The following CNTNAP3 variants were observed in gnomAD, a reference collection of about 807,000 sequenced individuals.
CNTNAP3 encodes the protein contactin associated protein family member 3, also known as contactin-associated protein-like 3.
A neutral mutation model predicts 92.1 loss-of-function variants in CNTNAP3; 36 were observed. That is an observed-to-expected ratio of 0.39 (90% CI 0.30 to 0.52). The LOEUF (loss-of-function observed/expected upper bound fraction) is 0.52, where lower values mean the gene tolerates loss of function less well. Ranked by LOEUF, CNTNAP3 falls within the 20% of genes least tolerant of loss-of-function variation. The pLI is 0.76. For synonymous variants in CNTNAP3, 232 were observed against 422.3 expected (o/e 0.55, Z 5.53); for missense variants, 534 against 1,069.6 (o/e 0.50, Z 6.98).
rs143450172 is a variant in CNTNAP3 at position 39,103,745 on chromosome 9, A to C, written c.2535T>G (p.Arg845=). Residue 845 remains arginine, a splice_region_variant and synonymous_variant, in exon 16 of 24, where the codon CGT becomes CGG. Transcript: ENST00000297668. ...GITDFIRIEL[R]APTEVTFSFD... Reference sequence around the variant, plus strand: ...ACTTGTCCAGAGTGGCGAGCTTACCACGCAGCTCAATCCTGATGAAATCTG... The same window carrying C: ...ACTTGTCCAGAGTGGCGAGCTTACCCCGCAGCTCAATCCTGATGAAATCTG... 2.4e-3 allele frequency: 3,828 copies of C among 1,601,552 alleles called. 49 individuals carry two copies. The highest frequency in any genetic ancestry group is 8.7e-3 in the East Asian group (390 of 44,678).
Position 39,140,602 on chromosome 9 carries a change from C to T in CNTNAP3, c.1793G>A (p.Arg598Gln), listed in dbSNP as rs140152567. The change falls in exon 12 of 24, where the codon CGA becomes CAA. Residue 598 changes from arginine (R) to glutamine (Q), a missense_variant. Physicochemically the swap from Arg to Gln is conservative, Grantham distance 43. Coordinates refer to ENST00000297668, the MANE Select transcript of CNTNAP3 (RefSeq NM_033655.5). Reference sequence around the variant, plus strand: ...ATAGTAAAGCCCAGACGGGTTCCCTCGGTGCTTGTGGGCTTCACAAGACTG... The same window carrying T: ...ATAGTAAAGCCCAGACGGGTTCCCTTGGTGCTTGTGGGCTTCACAAGACTG... ...YEQSCEAHKHRGNPSGLYYID... is the reference protein window; with the variant it reads ...YEQSCEAHKHQGNPSGLYYID... The T allele has an allele frequency of 8.9e-5, 143 of 1,613,320 alleles. 1 individual carries two copies. The highest frequency in any genetic ancestry group is 1.1e-4 in the Non-Finnish European group (127 of 1,179,698).
intron 15 of CNTNAP3, among the ~76,000 whole-genome samples, chr9:39,107,366 A>AAGGGAGGGAGAGAAAG (rs1554715802): frequency 8.2e-5 from 12 of 145,752 alleles, no homozygotes; most frequent in African/African-American, 2.0e-4. Flanking sequence ...GGGAGGGAGG[A>AAGGGAGGGAGAGAAAG]AGGGAGGGAG....
intron 21 of CNTNAP3, among the ~76,000 whole-genome samples, chr9:39,081,024 G>T (rs1182306970): frequency 2.1e-5 from 3 of 141,108 alleles, no homozygotes; most frequent in Non-Finnish European, 4.7e-5. Context: ...TGGAGCTGAT[G>T]AAACAGAGAA....
intron 13 of CNTNAP3, 89 bp from the exon 14 acceptor site, chr9:39,118,348 T>A: frequency 6.5e-7 from 1 of 1,547,216 alleles, no homozygotes; most frequent in Non-Finnish European, 8.8e-7. Context: ...AGGTGTAAAG[T>A]GTATGTGTGA....
At chr9:39,097,849 C>T (rs1826360928) in intron 18 of CNTNAP3, among the ~76,000 whole-genome samples, 1 of 149,390 alleles carries the variant, frequency 6.7e-6, no homozygotes. Context: ...TTCCTTAGGA[C>T]ATCTTCTAAA....
chr9:39,118,753 T>C (rs1266700725), intron 13 of CNTNAP3, among the ~76,000 whole-genome samples: 2 of 152,236 alleles, frequency 1.3e-5, no homozygotes, highest in Non-Finnish European at 2.9e-5. Flanking sequence ...TTTTTGGAGG[T>C]ATTTGTTTTT....
In CNTNAP3 at chr9:39,086,696, T is replaced by A. The variant is rs1436646290; in HGVS notation, c.3354+20A>T. ...AAATAATAATATTAGTTAGTTTGAC[T>A]TTTGCATTTGTGGGATTACCTCTAC... On this transcript the variant is annotated intron_variant, in intron 20 of 23. Coordinates refer to ENST00000297668, the MANE Select transcript of CNTNAP3 (RefSeq NM_033655.5). 1 of 1,606,028 alleles carries A rather than the reference T, an allele frequency of 6.2e-7. No individual in the cohort carries two copies. Among genetic ancestry groups the A allele is most frequent in the Non-Finnish European group, 8.5e-7 (1 of 1,178,146 alleles).
intron 13 of CNTNAP3, among the ~76,000 whole-genome samples, chr9:39,130,060 C>T (rs1821240900): frequency 2.0e-5 from 3 of 152,120 alleles, no homozygotes; most frequent in Non-Finnish European, 1.5e-5. Flanking sequence ...ATGGTACAAC[C>T]ATTCTAGAAA....
rs1335308549 is a variant in CNTNAP3 at position 39,066,471 on chromosome 9, T to C, written c.*7419A>G. 6.6e-6 allele frequency among the ~76,000 whole-genome samples: 1 copy of C among 152,218 alleles called. No individual in the cohort carries two copies. Among genetic ancestry groups the C allele is most frequent in the Non-Finnish European group, 1.5e-5 (1 of 68,034 alleles). The stretch of plus-strand genomic sequence containing the variant: ...CTTTGTGTGGATCCATGTTTCTATC[T>C]GCACAAAGATATTATTCTTTATTTT... On this transcript the variant is annotated 3_prime_UTR_variant, in exon 24 of 24. Coordinates refer to ENST00000297668, the MANE Select transcript of CNTNAP3 (RefSeq NM_033655.5).
At chr9:39,106,206 T>G (rs894808478) in intron 15 of CNTNAP3, among the ~76,000 whole-genome samples, 23 of 152,144 alleles carry the variant, frequency 1.5e-4, no homozygotes, top group Non-Finnish European at 3.4e-4. Context: ...GAGATGAAGA[T>G]AAGGAAAGGA....
chr9:39,104,580 C>T (rs1278510363), intron 15 of CNTNAP3, among the ~76,000 whole-genome samples: 1 of 151,444 alleles, frequency 6.6e-6, no homozygotes, highest in African/African-American at 2.4e-5. Flanking sequence ...TATTTGTTCC[C>T]TTCTGTCCAA....
At chr9:39,151,695 C>A (rs1441740566) in intron 9 of CNTNAP3, among the ~76,000 whole-genome samples, 3 of 147,734 alleles carry the variant, frequency 2.0e-5, no homozygotes, top group Admixed American at 6.7e-5. Context: ...AGAGGCACCT[C>A]ATTTCATAAT....
chr9:39,132,733 CGTCTCTCAACGGTCAGGAAG>C (rs1362100342), intron 13 of CNTNAP3, among the ~76,000 whole-genome samples, 179 bp downstream of exon 13: 4 of 152,178 alleles, frequency 2.6e-5, no homozygotes, highest in Non-Finnish European at 5.9e-5. Context: ...ACGCGCTGAA[CGTCTCTCAACGGTCAGGAAG>C]GCGCTCTTGA....
intron 14 of CNTNAP3, among the ~76,000 whole-genome samples, chr9:39,116,917 T>C (rs1293200543): frequency 6.6e-6 from 1 of 152,132 alleles, no homozygotes; most frequent in Non-Finnish European, 1.5e-5. Context: ...AATTACTGCT[T>C]AGATTAGCTA....
At chr9:39,143,962 T>C (rs1222679274) in intron 11 of CNTNAP3, among the ~76,000 whole-genome samples, 1 of 152,220 alleles carries the variant, frequency 6.6e-6, no homozygotes, top group African/African-American at 2.4e-5. Flanking sequence ...TAATTTAATT[T>C]AGTTTCTACC....
Position 39,132,956 on chromosome 9 carries a change from T to G in CNTNAP3, c.2056A>C (p.Thr686Pro), listed in dbSNP as rs1480403692. Residue 686 changes from threonine to proline, a missense_variant, in exon 13 of 24, where the codon ACG becomes CCG. Physicochemically the swap from Thr to Pro is conservative, Grantham distance 38. Transcript: ENST00000297668. ...CCTCGTGAGTCCGGGCGCCGCGCCG[T>G]CCCGCAGCGCAGAGCCAGCCGCTGC... ...CEQRLALRCG[T>P]ARRPDSRDGT... 1.3e-6 allele frequency: 2 copies of G among 1,547,390 alleles called. No individual in the cohort carries two copies. The highest frequency in any genetic ancestry group is 1.2e-5 in the South Asian group (1 of 85,434).
At chr9:39,091,116 C>T (rs1306728164) in intron 18 of CNTNAP3, among the ~76,000 whole-genome samples, 3 of 151,170 alleles carry the variant, frequency 2.0e-5, no homozygotes, top group Non-Finnish European at 4.4e-5. Flanking sequence ...AAAATCATGT[C>T]ATCCTCAAAT....
At position 39,253,787 on chromosome 9, in the gene CNTNAP3, C is replaced by T. The variant is rs1486688939; in HGVS notation, c.196+13109G>A. Among the ~76,000 whole-genome samples, 21 of 28,472 alleles carry T rather than the reference C, an allele frequency of 7.4e-4. 9 individuals carry two copies. Among genetic ancestry groups the T allele is most frequent in the Admixed American group, 1.2e-3 (2 of 1,634 alleles). 18.7% of individuals were successfully genotyped at this position (28,472 alleles called of 152,430 possible). A position where few individuals can be genotyped will look rare whatever the true frequency, so the allele number is the denominator to read the frequency against. On this transcript the variant is annotated intron_variant, in intron 2 of 23. Coordinates refer to ENST00000297668, the MANE Select transcript of CNTNAP3 (RefSeq NM_033655.5). ...CTCTACATTTCCTAAGCATCTGAAA[C>T]GTAGTGTGACAATTTCATATATATT...
At chr9:39,144,724 GA>G (rs1821658542) in intron 10 of CNTNAP3, among the ~76,000 whole-genome samples, 1 of 146,886 alleles carries the variant, frequency 6.8e-6, no homozygotes, top group South Asian at 2.3e-4. Flanking sequence ...GAAAGAAGGG[GA>G]AACAGGGAGG....
Sources: allele counts gnomAD v4.1 joint callset (sites outside exome capture counted in the v4.1 genomes callset), GRCh38; gene constraint gnomAD v4.1.1; transcripts MANE v1.5; gene names NCBI Gene and HGNC (gene_info 2026-07-23, HGNC 2026-07-21).